Variants in TMCC1 observed in about 807,000 individuals in gnomAD.
The protein encoded by TMCC1 is transmembrane and coiled-coil domain family 1.
TMCC1 carries 15 observed loss-of-function variants against 52.4 expected under a neutral mutation model. The ratio of observed to expected loss-of-function variants is 0.29; its 90% CI spans 0.19 to 0.44. TMCC1 has a LOEUF of 0.44. TMCC1 is among the 20% of genes least tolerant of loss of function. The pLI, the probability that TMCC1 is intolerant of heterozygous loss-of-function variation, is 1.00. For missense variants in TMCC1, 503 were observed against 806.0 expected (o/e 0.62, Z 4.55); for synonymous variants, 279 against 301.9 (o/e 0.92, Z 0.79).
Position 129,892,903 on chromosome 3 carries a change from C to G in TMCC1, c.-435+591G>C, listed in dbSNP as rs139754873. 3.3e-5 allele frequency among the ~76,000 whole-genome samples: 5 copies of G among 152,328 alleles called. No homozygotes were observed. The South Asian group carries it at 8.3e-4, about 25-fold the overall frequency. ...TCCTACAGGGGTTAACAGGGGGCAT[C>G]CTGAGGCCGAGACCAAGCCCAGCCA... On this transcript the variant is annotated intron_variant, in intron 1 of 6. Coordinates refer to ENST00000393238, the MANE Select transcript of TMCC1 (RefSeq NM_001017395.5).
intron 4 of TMCC1, among the ~76,000 whole-genome samples, chr3:129,709,972 G>A (rs944197223): frequency 1.3e-5 from 2 of 152,004 alleles, no homozygotes; most frequent in Non-Finnish European, 2.9e-5. Context: ...AGATCACAAG[G>A]TCAGGAAATG....
At chr3:129,734,820 T>C (rs1038812435) in intron 4 of TMCC1, among the ~76,000 whole-genome samples, 2 of 152,178 alleles carry the variant, frequency 1.3e-5, no homozygotes. Flanking sequence ...AGCTTGGTAA[T>C]TGTGCTTGAG....
At chr3:129,725,578 A>C (rs1329969596) in intron 4 of TMCC1, among the ~76,000 whole-genome samples, 2 of 152,164 alleles carry the variant, frequency 1.3e-5, no homozygotes, top group Non-Finnish European at 2.9e-5. Flanking sequence ...ATTGTTTCAA[A>C]GCAGGTAATT....
chr3:129,881,292 GCTCT>G (rs895589401), intron 1 of TMCC1, among the ~76,000 whole-genome samples: 9 of 152,176 alleles, frequency 5.9e-5, no homozygotes, highest in Non-Finnish European at 1.2e-4. Flanking sequence ...AGGTAATCCA[GCTCT>G]CTCTCTGATA....
Position 129,827,995 on chromosome 3 carries a change from T to C in TMCC1, c.384A>G (p.Pro128=). The C allele has an allele frequency of 6.2e-7, 1 of 1,614,178 alleles. No individual in the cohort carries two copies. The highest frequency in any genetic ancestry group is 8.5e-7 in the Non-Finnish European group (1 of 1,180,008). ...TTTGGGGACTTCCCTTTGGGGCCTC[T>C]GGCTTGCCCCGCCTACTATGCAAGC... ...GTSLHSRRGK[P]EAPKGSPQIN... The change falls in exon 4 of 7, where the codon CCA becomes CCG. Residue 128 remains proline (P), a synonymous_variant. Transcript: ENST00000393238.
intron 6 of TMCC1, among the ~76,000 whole-genome samples, chr3:129,652,686 C>T (rs966205536): frequency 2.6e-5 from 4 of 152,202 alleles, no homozygotes; most frequent in Non-Finnish European, 5.9e-5. Flanking sequence ...CAACAGACTC[C>T]GTTAACTTAG....
chr3:129,810,862 A>G (rs1406221382), intron 4 of TMCC1, among the ~76,000 whole-genome samples: 1 of 152,250 alleles, frequency 6.6e-6, no homozygotes, highest in African/African-American at 2.4e-5. Context: ...TCTTTCACCT[A>G]GAAGAATGTA....
intron 4 of TMCC1, among the ~76,000 whole-genome samples, chr3:129,706,927 G>C (rs2048294968): frequency 6.6e-6 from 1 of 152,018 alleles, no homozygotes; most frequent in Non-Finnish European, 1.5e-5. Context: ...TCCTGCCTCA[G>C]CCTCTTGAGT....
chr3:129,786,153 T>C (rs1267806358), intron 4 of TMCC1, among the ~76,000 whole-genome samples: 1 of 152,120 alleles, frequency 6.6e-6, no homozygotes, highest in Admixed American at 6.5e-5. Flanking sequence ...TTGGCCAGGC[T>C]GGTCTCGAAT....
At chr3:129,804,814 G>A (rs1280210880) in intron 4 of TMCC1, among the ~76,000 whole-genome samples, 2 of 152,064 alleles carry the variant, frequency 1.3e-5, no homozygotes, top group Non-Finnish European at 1.5e-5. Flanking sequence ...ACTCAATGGG[G>A]ACCTCAACTC....
At chr3:129,780,313 G>C (rs2055416515) in intron 4 of TMCC1, among the ~76,000 whole-genome samples, 1 of 151,962 alleles carries the variant, frequency 6.6e-6, no homozygotes, top group African/African-American at 2.4e-5. Context: ...AAGTGAACAG[G>C]TTAGATGATG....
At chr3:129,865,294 TA>T (rs1295749101) in intron 2 of TMCC1, among the ~76,000 whole-genome samples, 1 of 151,722 alleles carries the variant, frequency 6.6e-6, no homozygotes, top group Non-Finnish European at 1.5e-5. Flanking sequence ...CCACTGGAAG[TA>T]CAGGTACATG....
At chr3:129,778,815 C>A (rs1319255293) in intron 4 of TMCC1, among the ~76,000 whole-genome samples, 1 of 152,122 alleles carries the variant, frequency 6.6e-6, no homozygotes, top group African/African-American at 2.4e-5. Context: ...TTTACTGCCC[C>A]TTCTGCCGTG....
chr3:129,823,225 C>T (rs2058502636), intron 4 of TMCC1, among the ~76,000 whole-genome samples: 1 of 152,052 alleles, frequency 6.6e-6, no homozygotes, highest in African/African-American at 2.4e-5. Flanking sequence ...ACTTGGGAGG[C>T]TGAGGCAGGA....
intron 4 of TMCC1, among the ~76,000 whole-genome samples, chr3:129,690,184 T>G (rs567410294): frequency 6.6e-6 from 1 of 152,338 alleles, no homozygotes; most frequent in Non-Finnish European, 1.5e-5. Context: ...AAATCAGTTG[T>G]GATTTCAATT....
chr3:129,839,887 A>T (rs1000423017), intron 2 of TMCC1, among the ~76,000 whole-genome samples: 9 of 152,086 alleles, frequency 5.9e-5, no homozygotes, highest in African/African-American at 2.2e-4. Flanking sequence ...TGTCTCAAAA[A>T]ATAAAAAAAG....
At chr3:129,815,412 A>G (rs2058048193) in intron 4 of TMCC1, among the ~76,000 whole-genome samples, 1 of 152,164 alleles carries the variant, frequency 6.6e-6, no homozygotes, top group African/African-American at 2.4e-5. Flanking sequence ...ACACAGACCA[A>G]TGGAACAGAA....
chr3:129,871,357 C>T (rs1006790770), intron 2 of TMCC1, among the ~76,000 whole-genome samples: 6 of 136,520 alleles, frequency 4.4e-5, no homozygotes, highest in African/African-American at 5.6e-5. Flanking sequence ...CAGAGTGAGA[C>T]GCTGTCTCAA....
Position 129,807,241 on chromosome 3 carries a change from TG to T in TMCC1, c.576+20561del, listed in dbSNP as rs761713209. Among the ~76,000 whole-genome samples the T allele has an allele frequency of 6.6e-5, 10 of 152,332 alleles. No homozygotes were observed. In the South Asian group the frequency reaches 1.0e-3, roughly 16 times the overall value. On this transcript the variant is annotated intron_variant, in intron 4 of 6. Coordinates refer to ENST00000393238, the MANE Select transcript of TMCC1 (RefSeq NM_001017395.5). ...AGAACTGTAAAGAGTTACAAAAGCA[TG>T]GCAATGGTAATGTTCCCATTCTTAT...
Sources: gnomAD v4.1 joint callset for allele counts (sites outside exome capture counted in the v4.1 genomes callset) on GRCh38, gnomAD v4.1.1 for gene constraint, MANE v1.5 for transcripts, NCBI Gene and HGNC (gene_info 2026-07-23, HGNC 2026-07-21) for gene names.